Variants in VOPP1 observed in about 807,000 individuals in gnomAD.
VOPP1 encodes the protein VOPP1 WW domain binding protein.
A neutral mutation model predicts 23.5 loss-of-function variants in VOPP1; 8 were observed. The ratio of observed to expected loss-of-function variants is 0.34; its 90% CI spans 0.20 to 0.61. The LOEUF is 0.61. VOPP1 is among the 20% of genes least tolerant of loss of function. The pLI, the probability that VOPP1 is intolerant of heterozygous loss-of-function variation, is 0.78. For synonymous variants in VOPP1, 83 were observed against 97.3 expected (o/e 0.85, Z 0.86); for missense variants, 174 against 238.1 (o/e 0.73, Z 1.77).
chr7:55,481,127 G>A (rs1484709578), intron 4 of VOPP1, among the ~76,000 whole-genome samples: 2 of 152,210 alleles, frequency 1.3e-5, no homozygotes, highest in South Asian at 2.1e-4. Flanking sequence ...AGCGTGCCGT[G>A]TACCTGGGCG....
intron 1 of VOPP1, chr7:55,552,874 CCTAGA>C (rs1797668565): frequency 2.2e-6 from 3 of 1,362,280 alleles, no homozygotes; most frequent in Non-Finnish European, 1.9e-6. Flanking sequence ...AGGATTTCCT[CCTAGA>C]CTAAACTCCT....
chr7:55,474,006 C>A (rs1792043356), intron 4 of VOPP1, among the ~76,000 whole-genome samples: 1 of 152,194 alleles, frequency 6.6e-6, no homozygotes, highest in East Asian at 1.9e-4. Context: ...GTCCCAAAGC[C>A]CACATAAGTC....
chr7:55,457,144 T>G (rs1167426485), intron 4 of VOPP1, among the ~76,000 whole-genome samples: 1 of 152,206 alleles, frequency 6.6e-6, no homozygotes, highest in African/African-American at 2.4e-5. Flanking sequence ...TCTACTCGCA[T>G]GAGATCACCT....
chr7:55,467,776 C>G (rs775931826), downstream of VOPP1, among the ~76,000 whole-genome samples: 3 of 152,194 alleles, frequency 2.0e-5, no homozygotes, highest in Non-Finnish European at 4.4e-5. Context: ...GTGAGCTGCT[C>G]AGCCTCTTCT....
rs1019966626 is a variant in VOPP1 at position 55,554,355 on chromosome 7, T to A, written c.54+17916A>T. On this transcript the variant is annotated intron_variant, in intron 1 of 4. Coordinates refer to ENST00000285279, the MANE Select transcript of VOPP1 (RefSeq NM_030796.5). Reference sequence around the variant, plus strand: ...AGAGCACTGGGAACTAACTTGAGGGTGGCTGGAATTTTTCCCATAGGCCAA... The same window carrying A: ...AGAGCACTGGGAACTAACTTGAGGGAGGCTGGAATTTTTCCCATAGGCCAA... Among the ~76,000 whole-genome samples, 6 of 152,160 alleles carry A rather than the reference T, an allele frequency of 3.9e-5. No individual in the cohort carries two copies. In the East Asian group the frequency reaches 1.2e-3, roughly 29 times the overall value.
At chr7:55,462,217 A>G (rs1791518263) in intron 4 of VOPP1, among the ~76,000 whole-genome samples, 1 of 152,148 alleles carries the variant, frequency 6.6e-6, no homozygotes, top group South Asian at 2.1e-4. Context: ...GTCTGATGGG[A>G]GTTCCCTTAT....
chr7:55,516,695 G>A (rs899986210), intron 2 of VOPP1, among the ~76,000 whole-genome samples: 4 of 151,990 alleles, frequency 2.6e-5, no homozygotes, highest in East Asian at 1.9e-4. Context: ...AATGCATTCC[G>A]CATGGTGAGT....
chr7:55,461,818 ACTT>A (rs1236818004), intron 4 of VOPP1, among the ~76,000 whole-genome samples: 3 of 151,988 alleles, frequency 2.0e-5, no homozygotes, highest in Non-Finnish European at 4.4e-5. Context: ...ATTGTTTTCT[ACTT>A]GTTTTGTGCA....
intron 1 of VOPP1, 41 bp downstream of exon 1, chr7:55,572,229 TG>T: frequency 6.7e-7 from 1 of 1,483,310 alleles, no homozygotes; most frequent in Non-Finnish European, 9.0e-7. Context: ...GCCAGCATGG[TG>T]GGCGCCGCGC....
chr7:55,476,429 C>CGGGGGGGGGGGG, intron 4 of VOPP1, among the ~76,000 whole-genome samples: 4 of 7,566 alleles, frequency 5.3e-4, no homozygotes, highest in African/African-American at 5.4e-4. Flanking sequence ...AGTGGCGTGT[C>CGGGGGGGGGGGG]GGGGGGGTGG....
intron 3 of VOPP1, among the ~76,000 whole-genome samples, chr7:55,494,117 G>C (rs951457565): frequency 1.3e-5 from 2 of 152,162 alleles, no homozygotes; most frequent in Non-Finnish European, 2.9e-5. Context: ...GAGCGGCCAT[G>C]GGGAGCCCGG....
chr7:55,436,651 TGTGTGTGC>T lies in VOPP1; in HGVS notation n.418-485_418-478del, dbSNP rs371935363. ...GTGTGCGTGTGTGTGCGTGCGTGGG[TGTGTGTGC>T]GTGTGTGCGTGCGTGTGCGTGTGTG... On this transcript the variant is annotated intron_variant and non_coding_transcript_variant, in intron 4 of 4. Coordinates refer to the VOPP1 transcript ENST00000462326. 1.9e-3 allele frequency among the ~76,000 whole-genome samples: 285 copies of T among 150,958 alleles called. 1 individual carries two copies. Among genetic ancestry groups the T allele is most frequent in the African/African-American group, 6.1e-3 (253 of 41,160 alleles).
intron 2 of VOPP1, among the ~76,000 whole-genome samples, chr7:55,502,877 C>G (rs891686101): frequency 7.2e-5 from 11 of 152,204 alleles, no homozygotes; most frequent in African/African-American, 2.2e-4. Context: ...TCGTTCTTCT[C>G]TGTGTGCCAG....
chr7:55,461,347 T>G (rs771550717), intron 4 of VOPP1, among the ~76,000 whole-genome samples: 15 of 152,034 alleles, frequency 9.9e-5, no homozygotes, highest in Admixed American at 2.6e-4. Flanking sequence ...AACTTAATAA[T>G]GTAACCAAAC....
chr7:55,435,150 T>C (rs1420604406), downstream of VOPP1, among the ~76,000 whole-genome samples: 1 of 152,214 alleles, frequency 6.6e-6, no homozygotes, highest in Non-Finnish European at 1.5e-5. Flanking sequence ...GTAATGTGGA[T>C]GGGACCATTG....
chr7:55,547,235 C>T (rs1010390009), intron 1 of VOPP1, among the ~76,000 whole-genome samples: 6 of 152,064 alleles, frequency 3.9e-5, no homozygotes, highest in African/African-American at 1.4e-4. Flanking sequence ...GGACGGGGGA[C>T]AAAGGGGCTC....
At chr7:55,490,858 A>G (rs1470099163) in intron 4 of VOPP1, among the ~76,000 whole-genome samples, 1 of 152,230 alleles carries the variant, frequency 6.6e-6, no homozygotes, top group African/African-American at 2.4e-5. Context: ...TTTCTGAGCA[A>G]CATTTTTTAA....
At chr7:55,524,800 G>A (rs1796072153) in intron 1 of VOPP1, among the ~76,000 whole-genome samples, 1 of 152,118 alleles carries the variant, frequency 6.6e-6, no homozygotes, top group Non-Finnish European at 1.5e-5. Context: ...AGGAGCCCAG[G>A]GTTGAGAGCC....
At chr7:55,524,759 A>AC (rs1796068826) in intron 1 of VOPP1, among the ~76,000 whole-genome samples, 1 of 152,080 alleles carries the variant, frequency 6.6e-6, no homozygotes, top group South Asian at 2.1e-4. Context: ...GGGAATGGAG[A>AC]CCAGGAGGTG....
Sources: gnomAD v4.1 joint callset for allele counts (sites outside exome capture counted in the v4.1 genomes callset) on GRCh38, gnomAD v4.1.1 for gene constraint, MANE v1.5 for transcripts, NCBI Gene and HGNC (gene_info 2026-07-23, HGNC 2026-07-21) for gene names.